Variants in SMYD3 observed in about 807,000 individuals in gnomAD.
The protein encoded by SMYD3 is histone-lysine N-methyltransferase SMYD3.
SMYD3 carries 36 observed loss-of-function variants against 57.7 expected under a neutral mutation model. The observed-to-expected ratio is 0.62, with a 90% CI of 0.48 to 0.82. The LOEUF (loss-of-function observed/expected upper bound fraction) is 0.82. SMYD3 is among the 40% of genes least tolerant of loss of function. The pLI is 0.00. For missense variants in SMYD3, 515 were observed against 538.8 expected (o/e 0.96, Z 0.44); for synonymous variants, 211 against 195.0 (o/e 1.08, Z -0.68).
intron 5 of SMYD3, among the ~76,000 whole-genome samples, chr1:246,286,037 G>T (rs2064555567): frequency 1.3e-5 from 2 of 152,166 alleles, no homozygotes; most frequent in Non-Finnish European, 2.9e-5. Context: ...CTACACTGCT[G>T]GTGGGAATGT....
At chr1:246,287,668 C>T (rs1272864534) in intron 5 of SMYD3, among the ~76,000 whole-genome samples, 1 of 152,096 alleles carries the variant, frequency 6.6e-6, no homozygotes, top group Non-Finnish European at 1.5e-5. Context: ...TGTGTGGTTC[C>T]TTACACCTGA....
rs1446901807 is a variant in SMYD3 at position 245,817,321 on chromosome 1, C to A, written c.1076+41175G>T. Among the ~76,000 whole-genome samples the A allele has an allele frequency of 1.2e-4, 18 of 144,742 alleles. 1 individual carries two copies. The highest frequency in any genetic ancestry group is 2.6e-4 in the Non-Finnish European group (17 of 66,212). 95.0% of individuals were successfully genotyped at this position (144,742 alleles called of 152,430 possible). Reference sequence around the variant, plus strand: ...TCACATGGCAGGGTATTCCAACAGCCCTGCAGCTGAGGGTCCTGCCTGTTA... The same window carrying A: ...TCACATGGCAGGGTATTCCAACAGCACTGCAGCTGAGGGTCCTGCCTGTTA... On this transcript the variant is annotated intron_variant, in intron 10 of 11. Coordinates refer to ENST00000490107, the MANE Select transcript of SMYD3 (RefSeq NM_001167740.2).
At chr1:246,316,683 G>T (rs76096369) in intron 5 of SMYD3, among the ~76,000 whole-genome samples, 8,940 of 143,790 alleles carry the variant, frequency 0.062, 392 homozygotes, top group East Asian at 0.13. Context: ...GGCTGGCCAA[G>T]ACCCTGTCTT....
intron 5 of SMYD3, among the ~76,000 whole-genome samples, chr1:246,268,430 T>C (rs1289960676): frequency 6.6e-6 from 1 of 152,140 alleles, no homozygotes; most frequent in Non-Finnish European, 1.5e-5. Context: ...CCAGGCGCAG[T>C]GGCTCACGCC....
At chr1:246,273,991 A>C (rs979407757) in intron 5 of SMYD3, among the ~76,000 whole-genome samples, 2 of 151,576 alleles carry the variant, frequency 1.3e-5, no homozygotes, top group Non-Finnish European at 2.9e-5. Flanking sequence ...TAGTTATTTC[A>C]CTTTAAAGTT....
chr1:245,766,899 G>C (rs1171199068), intron 10 of SMYD3, among the ~76,000 whole-genome samples: 2 of 152,196 alleles, frequency 1.3e-5, no homozygotes, highest in African/African-American at 2.4e-5. Flanking sequence ...AGAGCATGAG[G>C]AAGCGCTTGT....
chr1:246,403,478 C>T (rs2066808199), intron 1 of SMYD3, among the ~76,000 whole-genome samples: 1 of 152,104 alleles, frequency 6.6e-6, no homozygotes, highest in African/African-American at 2.4e-5. Flanking sequence ...AAAATATATC[C>T]CAGTTTCCTT....
intron 1 of SMYD3, among the ~76,000 whole-genome samples, chr1:246,495,495 C>T (rs539700610): frequency 3.3e-5 from 5 of 151,986 alleles, no homozygotes; most frequent in East Asian, 1.9e-4. Context: ...CGAGAACCAA[C>T]GAGTTACAAG....
chr1:246,180,983 T>C (rs1173761698), intron 5 of SMYD3, among the ~76,000 whole-genome samples: 1 of 152,002 alleles, frequency 6.6e-6, no homozygotes. Context: ...CTCTAATATG[T>C]CCATCATAGG....
intron 5 of SMYD3, among the ~76,000 whole-genome samples, chr1:246,233,740 C>T (rs2063464876): frequency 7.9e-6 from 1 of 126,546 alleles, no homozygotes; most frequent in Non-Finnish European, 1.6e-5. Context: ...CTCCTCAATT[C>T]ACACTGTGAT....
At chr1:246,269,905 G>C (rs538338142) in intron 5 of SMYD3, among the ~76,000 whole-genome samples, 29 of 152,230 alleles carry the variant, frequency 1.9e-4, no homozygotes, top group Middle Eastern at 3.4e-3. Context: ...CTTTGTACAT[G>C]AGGTTTACCT....
At chr1:246,020,009 G>A (rs2059444265) in intron 5 of SMYD3, among the ~76,000 whole-genome samples, 1 of 152,150 alleles carries the variant, frequency 6.6e-6, no homozygotes, top group Non-Finnish European at 1.5e-5. Flanking sequence ...TTACTTGCCT[G>A]CCAGAAGAGT....
intron 5 of SMYD3, among the ~76,000 whole-genome samples, chr1:246,135,100 T>C (rs966380503): frequency 8.5e-5 from 13 of 152,088 alleles, no homozygotes; most frequent in African/African-American, 3.1e-4. Context: ...AACTATAACA[T>C]GCTCATAAAA....
chr1:245,936,374 T>TTG (rs2056981036), intron 5 of SMYD3, among the ~76,000 whole-genome samples: 1 of 151,906 alleles, frequency 6.6e-6, no homozygotes, highest in Admixed American at 6.6e-5. Flanking sequence ...TTTTTTTTTT[T>TTG]GCAGATGGCG....
intron 1 of SMYD3, among the ~76,000 whole-genome samples, chr1:246,364,356 C>T (rs2066063065): frequency 6.6e-6 from 1 of 151,952 alleles, no homozygotes; most frequent in South Asian, 2.1e-4. Flanking sequence ...ACCTATAATA[C>T]TAACATCAAT....
At chr1:246,460,949 A>AATCATCATAAGAGTATCT (rs1420174113) in intron 1 of SMYD3, among the ~76,000 whole-genome samples, 1 of 152,226 alleles carries the variant, frequency 6.6e-6, no homozygotes, top group Non-Finnish European at 1.5e-5. Flanking sequence ...AATAAACCCC[A>AATCATCATAAGAGTATCT]ATCATCATAA....
intron 5 of SMYD3, among the ~76,000 whole-genome samples, chr1:246,144,638 A>G (rs2061814496): frequency 6.6e-6 from 1 of 152,156 alleles, no homozygotes; most frequent in Non-Finnish European, 1.5e-5. Flanking sequence ...TGACAGGAGC[A>G]TATCATAATT....
At chr1:246,439,490 G>A (rs1019230138) in intron 1 of SMYD3, among the ~76,000 whole-genome samples, 2 of 152,080 alleles carry the variant, frequency 1.3e-5, no homozygotes, top group African/African-American at 4.8e-5. Context: ...TGAGACAAAC[G>A]CTCATAGGCA....
intron 5 of SMYD3, among the ~76,000 whole-genome samples, chr1:246,145,333 C>T (rs758715186): frequency 1.7e-4 from 26 of 152,092 alleles, no homozygotes; most frequent in Admixed American, 9.8e-4. Context: ...GTGTCAGCAG[C>T]GAATAGCTCA....
Sources: allele counts gnomAD v4.1 joint callset (sites outside exome capture counted in the v4.1 genomes callset), GRCh38; gene constraint gnomAD v4.1.1; transcripts MANE v1.5; gene names NCBI Gene and HGNC (gene_info 2026-07-23, HGNC 2026-07-21).